PLEKHG1: variants seen among roughly 807,000 people sequenced by gnomAD.
The protein encoded by PLEKHG1 is pleckstrin homology domain-containing family G member 1.
In PLEKHG1, 44 loss-of-function variants were observed where a neutral mutation model predicts 100.8. That is an observed-to-expected ratio of 0.44 (90% confidence interval 0.34 to 0.56). The LOEUF (loss-of-function observed/expected upper bound fraction) is 0.56, where lower values mean the gene tolerates loss of function less well. Among genes scored for constraint, PLEKHG1 ranks in the 20% least tolerant of loss-of-function variants. The pLI, the probability that PLEKHG1 is intolerant of heterozygous loss-of-function variation, is 0.01. For missense variants in PLEKHG1, 1,545 were observed against 1,720.9 expected (o/e 0.90, Z 1.81); for synonymous variants, 640 against 662.5 (o/e 0.97, Z 0.52).
chr6:150,616,143 G>A (rs552087487), intron 1 of PLEKHG1, among the ~76,000 whole-genome samples: 1 of 151,892 alleles, frequency 6.6e-6, no homozygotes, highest in Non-Finnish European at 1.5e-5. Flanking sequence ...CTGCAAGTGA[G>A]AAAAAAAACA....
At position 150,730,464 on chromosome 6, in the gene PLEKHG1, G is replaced by A. The variant is rs145060653; in HGVS notation, c.-98-3120G>A. ...GCATGCATAGGTCACAATAGGGCTCGTGCTCCTATGAGAATCTAATGCTGC... is the reference window on the plus strand; with the variant it reads ...GCATGCATAGGTCACAATAGGGCTCATGCTCCTATGAGAATCTAATGCTGC... On this transcript the variant is annotated intron_variant, in intron 1 of 15. Transcript: ENST00000358517. Among the ~76,000 whole-genome samples the A allele has an allele frequency of 2.7e-3, 415 of 152,238 alleles. 1 individual carries two copies. The highest frequency in any genetic ancestry group is 9.5e-3 in the African/African-American group (394 of 41,540).
upstream of PLEKHG1, among the ~76,000 whole-genome samples, chr6:150,716,616 G>T (rs1781457224): frequency 6.6e-6 from 1 of 152,116 alleles, no homozygotes. Flanking sequence ...CTAGATGTGT[G>T]TGTTGTCTGT....
chr6:150,773,403 G>A (rs1044728868), intron 3 of PLEKHG1, among the ~76,000 whole-genome samples: 1 of 152,136 alleles, frequency 6.6e-6, no homozygotes, highest in Admixed American at 6.6e-5. Flanking sequence ...GCGTGGTGGC[G>A]AGTGCCTGTA....
At chr6:150,775,301 T>A (rs1275561481) in intron 3 of PLEKHG1, among the ~76,000 whole-genome samples, 4 of 152,220 alleles carry the variant, frequency 2.6e-5, no homozygotes, top group Non-Finnish European at 5.9e-5. Flanking sequence ...AAACAGTAAT[T>A]TGAGCCTTTC....
chr6:150,777,727 A>G (rs1296635005), intron 3 of PLEKHG1, among the ~76,000 whole-genome samples: 3 of 132,934 alleles, frequency 2.3e-5, no homozygotes, highest in Non-Finnish European at 4.6e-5. Flanking sequence ...CATTACACTG[A>G]TGCAATCCTG....
At chr6:150,713,131 G>A (rs12207259) in intron 3 of PLEKHG1, among the ~76,000 whole-genome samples, 69,660 of 152,076 alleles carry the variant, frequency 0.46, 16,394 homozygotes, top group Admixed American at 0.54. Context: ...CAGTTCAAGT[G>A]GAGAGAAGGT....
At chr6:150,669,620 G>C (rs1265121308) in intron 3 of PLEKHG1, among the ~76,000 whole-genome samples, 2 of 147,788 alleles carry the variant, frequency 1.4e-5, no homozygotes, top group Non-Finnish European at 3.0e-5. Context: ...TTTGAGATGG[G>C]AGTTTTGCTC....
intron 15 of PLEKHG1, among the ~76,000 whole-genome samples, chr6:150,833,734 A>G (rs1777082454): frequency 6.6e-6 from 1 of 152,224 alleles, no homozygotes; most frequent in African/African-American, 2.4e-5. Flanking sequence ...TCATATTTTA[A>G]GAAATCCTGC....
Position 150,701,417 on chromosome 6 carries a change from TTATATATATATATA to T in PLEKHG1, c.-98-32130_-98-32117del, listed in dbSNP as rs56982419. Among the ~76,000 whole-genome samples the T allele has an allele frequency of 6.6e-3, 205 of 31,156 alleles. 2 individuals are homozygous for T. The highest frequency in any genetic ancestry group is 8.4e-3 in the Non-Finnish European group (154 of 18,240). 20.4% of individuals were successfully genotyped at this position (31,156 alleles called of 152,430 possible). A position where few individuals can be genotyped will look rare whatever the true frequency, so the allele number is the denominator to read the frequency against. On this transcript the variant is annotated intron_variant, in intron 3 of 3. Coordinates refer to the PLEKHG1 transcript ENST00000367326. ...TTTGTAAAGAATAAGCAGTAATTCTTTATATATATATATATATATATATATATATATATATATAT... is the reference window on the plus strand; with the variant it reads ...TTTGTAAAGAATAAGCAGTAATTCTTTATATATATATATATATATATATAT...
intron 1 of PLEKHG1, among the ~76,000 whole-genome samples, chr6:150,637,439 CT>C (rs1778051890): frequency 6.6e-6 from 1 of 150,864 alleles, no homozygotes; most frequent in Non-Finnish European, 1.5e-5. Context: ...CCTTAGATTC[CT>C]TTTTTCATTT....
chr6:150,756,075 A>G (rs945931743), intron 2 of PLEKHG1, among the ~76,000 whole-genome samples: 2 of 152,082 alleles, frequency 1.3e-5, no homozygotes, highest in African/African-American at 2.4e-5. Context: ...TTAAAGAGGG[A>G]AGAAAATTTT....
chr6:150,616,808 C>T (rs1163693324), intron 1 of PLEKHG1, among the ~76,000 whole-genome samples: 1 of 152,232 alleles, frequency 6.6e-6, no homozygotes, highest in Non-Finnish European at 1.5e-5. Context: ...CTTGTAAGAA[C>T]ACGTTCATCT....
At chr6:150,690,438 A>G (rs1419022640) in intron 3 of PLEKHG1, among the ~76,000 whole-genome samples, 4 of 152,158 alleles carry the variant, frequency 2.6e-5, no homozygotes, top group African/African-American at 7.2e-5. Flanking sequence ...AAGGCTTTTC[A>G]TACCTCACTA....
intron 1 of PLEKHG1, among the ~76,000 whole-genome samples, chr6:150,632,677 C>T (rs1396684139): frequency 1.3e-5 from 2 of 152,244 alleles, no homozygotes; most frequent in Non-Finnish European, 2.9e-5. Flanking sequence ...AATAATTTCA[C>T]AAACATCTAT....
Position 150,754,798 on chromosome 6 carries a change from A to G in PLEKHG1, c.412-13840A>G, listed in dbSNP as rs147830224. On this transcript the variant is annotated intron_variant, in intron 2 of 15. Coordinates refer to ENST00000358517, the Ensembl canonical transcript of PLEKHG1. ...GTTCTCCTGCCTCAGCCTCCAATGT[A>G]GCTGGGATTACAGGCATGCACCACC... 2.0e-4 allele frequency among the ~76,000 whole-genome samples: 31 copies of G among 151,336 alleles called. No individual in the cohort carries two copies. The East Asian group carries it at 6.1e-3, about 30-fold the overall frequency.
At chr6:150,676,921 C>T (rs1562429474) in intron 3 of PLEKHG1, among the ~76,000 whole-genome samples, 1 of 152,114 alleles carries the variant, frequency 6.6e-6, no homozygotes. Context: ...CCTCCTCCCT[C>T]TCCTTCATAG....
intron 3 of PLEKHG1, among the ~76,000 whole-genome samples, chr6:150,698,356 G>A (rs1474538810): frequency 6.6e-6 from 1 of 152,114 alleles, no homozygotes; most frequent in African/African-American, 2.4e-5. Flanking sequence ...GATTAGGGAC[G>A]CTCAAGCGGT....
chr6:150,634,322 G>A (rs1010498799), intron 1 of PLEKHG1, among the ~76,000 whole-genome samples: 1 of 151,874 alleles, frequency 6.6e-6, no homozygotes, highest in African/African-American at 2.4e-5. Context: ...ATGGGAGGTA[G>A]AAAATAATAT....
rs377363322 is a variant in PLEKHG1 at position 150,757,762 on chromosome 6, C to T, written c.412-10876C>T. The stretch of plus-strand genomic sequence containing the variant: ...TGTGCAGTTTTATTACGTAGGTAAA[C>T]ATGTCCCATGGTGGTTTGCTGTGCA... On this transcript the variant is annotated intron_variant, in intron 2 of 15. Transcript: ENST00000358517. 1.1e-4 allele frequency among the ~76,000 whole-genome samples: 16 copies of T among 152,262 alleles called. No homozygotes were observed. In the South Asian group the frequency reaches 3.1e-3, roughly 30 times the overall value.
Sources: gnomAD v4.1 joint callset for allele counts (sites outside exome capture counted in the v4.1 genomes callset) on GRCh38, gnomAD v4.1.1 for gene constraint, MANE v1.5 for transcripts, NCBI Gene and HGNC (gene_info 2026-07-23, HGNC 2026-07-21) for gene names.